Variants in CAMK4 observed in about 807,000 individuals in gnomAD.
CAMK4 encodes the protein calcium/calmodulin dependent protein kinase IV.
A neutral mutation model predicts 44.9 loss-of-function variants in CAMK4; 22 were observed. That is an observed-to-expected ratio of 0.49 (90% CI 0.35 to 0.70). CAMK4 has a LOEUF of 0.70. Among genes scored for constraint, CAMK4 ranks in the 30% least tolerant of loss-of-function variants. The probability of loss-of-function intolerance (pLI) is 0.01; values close to 1 mark genes in which losing one functional copy is unlikely to be tolerated. For missense variants in CAMK4, 498 were observed against 586.8 expected, an observed-to-expected ratio of 0.85 and a Z score of 1.56; for synonymous variants, 218 against 215.4, an observed-to-expected ratio of 1.01 and a Z score of -0.11.
chr5:111,329,074 T>G (rs533174704), intron 1 of CAMK4, among the ~76,000 whole-genome samples: 7 of 151,904 alleles, frequency 4.6e-5, no homozygotes, highest in Non-Finnish European at 1.0e-4. Flanking sequence ...TGGTTCAACA[T>G]ATGCAAATCA....
chr5:111,476,965 A>C (rs1031810944), intron 8 of CAMK4, among the ~76,000 whole-genome samples: 1 of 152,214 alleles, frequency 6.6e-6, no homozygotes, highest in African/African-American at 2.4e-5. Context: ...CTAGATTTTC[A>C]GAAGGGGAAA....
intron 1 of CAMK4, among the ~76,000 whole-genome samples, chr5:111,265,476 GT>G (rs1425614468): frequency 1.3e-5 from 2 of 152,110 alleles, no homozygotes; most frequent in African/African-American, 4.8e-5. Flanking sequence ...GGATTCTTTG[GT>G]TCTGTAACTG....
At chr5:111,460,265 CTTTTTCTTT>C (rs1288861769) in intron 7 of CAMK4, among the ~76,000 whole-genome samples, 7 of 122,714 alleles carry the variant, frequency 5.7e-5, no homozygotes, top group Non-Finnish European at 1.2e-4. Flanking sequence ...CTTTTCTTTT[CTTTTTCTTT>C]TTTTTTTTTT....
chr5:111,451,731 A>G lies in CAMK4; in HGVS notation c.625+2528A>G, dbSNP rs116803029. On this transcript the variant is annotated intron_variant, in intron 7 of 10. Coordinates refer to ENST00000282356, the MANE Select transcript of CAMK4 (RefSeq NM_001744.6). ...CGAGCCTGGCCAACATGGTGAAAAA[A>G]AAAACAACAACAAAATAATTAGCTG... Among the ~76,000 whole-genome samples, 904 of 152,200 alleles carry G rather than the reference A, an allele frequency of 5.9e-3. 14 individuals are homozygous for G. The highest frequency in any genetic ancestry group is 0.02 in the African/African-American group (848 of 41,542).
intron 5 of CAMK4, among the ~76,000 whole-genome samples, chr5:111,434,950 T>C (rs1313738656): frequency 6.6e-6 from 1 of 152,226 alleles, no homozygotes; most frequent in East Asian, 1.9e-4. Context: ...ACATTATCAA[T>C]TAACCACACA....
chr5:111,477,036 A>G (rs1258217930), intron 8 of CAMK4, among the ~76,000 whole-genome samples: 1 of 152,220 alleles, frequency 6.6e-6, no homozygotes, highest in African/African-American at 2.4e-5. Flanking sequence ...ACTAACTGCA[A>G]CAGGCCATAG....
intron 5 of CAMK4, among the ~76,000 whole-genome samples, chr5:111,401,107 C>T (rs1346766853): frequency 2.6e-5 from 4 of 152,258 alleles, no homozygotes; most frequent in South Asian, 2.1e-4. Flanking sequence ...TTGTACATAT[C>T]GAACATAGTA....
rs574498415 is a variant in CAMK4, at chr5:111,411,960, T to C, written c.459+17178T>C. ...TCAAAAAGATTCATGTGTTTTGACA[T>C]TGAAACAAGCTTGATGTTTAAGAAG... On this transcript the variant is annotated intron_variant, in intron 5 of 10. Transcript: ENST00000282356. Among the ~76,000 whole-genome samples the C allele has an allele frequency of 2.0e-5, 3 of 152,260 alleles. No homozygotes were observed. The East Asian group carries it at 5.8e-4, about 29-fold the overall frequency.
intron 1 of CAMK4, among the ~76,000 whole-genome samples, chr5:111,316,337 C>T (rs1166003901): frequency 6.6e-6 from 1 of 152,204 alleles, no homozygotes; most frequent in Non-Finnish European, 1.5e-5. Context: ...CACTGTCCCA[C>T]TTAACTGTTC....
chr5:111,347,867 G>GTA (rs1389264872), intron 2 of CAMK4, among the ~76,000 whole-genome samples: 12 of 151,910 alleles, frequency 7.9e-5, no homozygotes, highest in Non-Finnish European at 1.3e-4. Context: ...CTGTAAGGGA[G>GTA]GACCTCTAAG....
intron 5 of CAMK4, among the ~76,000 whole-genome samples, chr5:111,401,664 A>C (rs550517610): frequency 2.6e-5 from 4 of 152,332 alleles, no homozygotes; most frequent in African/African-American, 9.6e-5. Context: ...TACATAGGAA[A>C]TCAATTGATA....
At position 111,334,459 on chromosome 5, in the gene CAMK4, T is replaced by C. The variant is rs572767036; in HGVS notation, c.162-9565T>C. 4.0e-5 allele frequency among the ~76,000 whole-genome samples: 6 copies of C among 151,594 alleles called. No homozygotes were observed. In the East Asian group the frequency reaches 1.2e-3, roughly 30 times the overall value. ...TGTCCCAAGAATGGGCCAAGATGTA[T>C]ACTGATATTAAATGCTTACAGATTT... On this transcript the variant is annotated intron_variant, in intron 1 of 10. Transcript: ENST00000282356.
intron 2 of CAMK4, among the ~76,000 whole-genome samples, chr5:111,362,490 A>G (rs1750632671): frequency 6.6e-6 from 1 of 152,054 alleles, no homozygotes. Flanking sequence ...TGTAAAAAGA[A>G]GTATACATAC....
At chr5:111,229,811 G>C (rs898434745) in intron 1 of CAMK4, among the ~76,000 whole-genome samples, 1 of 152,110 alleles carries the variant, frequency 6.6e-6, no homozygotes, top group African/African-American at 2.4e-5. Context: ...CTTTTCTCAG[G>C]CAGTTGACTC....
chr5:111,404,744 C>A (rs1372456340), intron 5 of CAMK4, among the ~76,000 whole-genome samples: 4 of 152,208 alleles, frequency 2.6e-5, no homozygotes, highest in Non-Finnish European at 5.9e-5. Flanking sequence ...CCCGTCCCAT[C>A]ATAACCAAGA....
chr5:111,232,576 T>TA (rs1008785865), intron 1 of CAMK4, among the ~76,000 whole-genome samples: 8 of 151,686 alleles, frequency 5.3e-5, no homozygotes, highest in African/African-American at 1.5e-4. Context: ...ACAACCTGTT[T>TA]AAAAAAAACA....
intron 1 of CAMK4, among the ~76,000 whole-genome samples, chr5:111,239,931 G>A (rs1290705717): frequency 6.6e-6 from 1 of 152,104 alleles, no homozygotes; most frequent in African/African-American, 2.4e-5. Context: ...TTTACCCAGG[G>A]GTAGTACATG....
At chr5:111,308,792 A>G (rs1402384739) in intron 1 of CAMK4, among the ~76,000 whole-genome samples, 2 of 152,244 alleles carry the variant, frequency 1.3e-5, no homozygotes, top group Non-Finnish European at 2.9e-5. Context: ...TAATCTTAAA[A>G]TGAAACCCAT....
At chr5:111,226,632 G>T (rs62376849) in intron 1 of CAMK4, among the ~76,000 whole-genome samples, 30,072 of 152,124 alleles carry the variant, frequency 0.2, 3,367 homozygotes, top group Non-Finnish European at 0.26. Flanking sequence ...GTTAAATACC[G>T]TGTACAGATG....
Sources: allele counts gnomAD v4.1 joint callset (sites outside exome capture counted in the v4.1 genomes callset), GRCh38; gene constraint gnomAD v4.1.1; transcripts MANE v1.5; gene names NCBI Gene and HGNC (gene_info 2026-07-23, HGNC 2026-07-21).